The following ADAMTSL1 variants were observed in gnomAD, a reference collection of about 807,000 sequenced individuals.
The protein encoded by ADAMTSL1 is ADAMTS like 1.
Under a neutral mutation model 201.8 loss-of-function variants are expected in ADAMTSL1, and 126 were observed. That is an observed-to-expected ratio of 0.62 (90% CI 0.54 to 0.72). The LOEUF is 0.72. ADAMTSL1 is among the 30% of genes least tolerant of loss of function. The pLI is 0.00. For missense variants in ADAMTSL1, 2,679 were observed against 2,277.8 expected, an observed-to-expected ratio of 1.18 and a Z score of -3.59; for synonymous variants, 1,121 against 903.4, an observed-to-expected ratio of 1.24 and a Z score of -4.32.
chr9:18,443,684 G>A (rs957112251), intron 2 of ADAMTSL1, among the ~76,000 whole-genome samples: 44 of 152,098 alleles, frequency 2.9e-4, no homozygotes, highest in Non-Finnish European at 5.4e-4. Context: ...GCCTAGGTGT[G>A]TACTGTACTG....
chr9:18,727,233 A>G (rs1353709736), intron 15 of ADAMTSL1, among the ~76,000 whole-genome samples: 2 of 152,210 alleles, frequency 1.3e-5, no homozygotes, highest in South Asian at 2.1e-4. Context: ...CTCTCTGACA[A>G]CTTGTTTTAA....
At position 17,913,321 on chromosome 9, in the gene ADAMTSL1, C is replaced by A. The variant is rs1825963499; in HGVS notation, c.87+6399C>A. Among the ~76,000 whole-genome samples, 3 of 152,266 alleles carry A rather than the reference C, an allele frequency of 2.0e-5. No homozygotes were observed. In the East Asian group the frequency reaches 5.8e-4, roughly 29 times the overall value. The stretch of plus-strand genomic sequence containing the variant: ...ATTTTCATGATATTGATTCTTCCTA[C>A]CCATGAGCATGGAATGTTCTTCCAT... On this transcript the variant is annotated intron_variant, in intron 1 of 29. Coordinates refer to the ADAMTSL1 transcript ENST00000680146.
At chr9:18,161,685 A>G (rs1412946841) in intron 1 of ADAMTSL1, among the ~76,000 whole-genome samples, 1 of 152,062 alleles carries the variant, frequency 6.6e-6, no homozygotes, top group Non-Finnish European at 1.5e-5. Context: ...GCACCCAGCA[A>G]GAAGTGGGGA....
chr9:18,423,192 G>C (rs566933272), intron 2 of ADAMTSL1, among the ~76,000 whole-genome samples: 1 of 152,234 alleles, frequency 6.6e-6, no homozygotes, highest in South Asian at 2.1e-4. Context: ...ATGGTTTATT[G>C]CTTCGGAGAA....
intron 2 of ADAMTSL1, among the ~76,000 whole-genome samples, chr9:18,355,145 C>T (rs1325877523): frequency 1.3e-5 from 2 of 152,136 alleles, no homozygotes; most frequent in Non-Finnish European, 2.9e-5. Flanking sequence ...GTCCCTGAAT[C>T]CTGCTGTTTC....
intron 16 of ADAMTSL1, among the ~76,000 whole-genome samples, chr9:18,762,192 G>A (rs1820108546): frequency 6.6e-6 from 1 of 152,108 alleles, no homozygotes. Flanking sequence ...ATAATCCTGT[G>A]TGCATGCAGG....
At chr9:18,578,006 G>C (rs1822849041) in intron 4 of ADAMTSL1, among the ~76,000 whole-genome samples, 1 of 143,712 alleles carries the variant, frequency 7.0e-6, no homozygotes, top group African/African-American at 2.6e-5. Flanking sequence ...TTTTTTTCCA[G>C]AGCACAGAAA....
chr9:18,665,605 TCTCA>T (rs1314129342), intron 9 of ADAMTSL1, among the ~76,000 whole-genome samples: 1 of 152,024 alleles, frequency 6.6e-6, no homozygotes, highest in Non-Finnish European at 1.5e-5. Context: ...CTCAGGAATA[TCTCA>T]CTCTACACAT....
chr9:18,717,947 C>T, intron 14 of ADAMTSL1: 1 of 1,405,214 alleles, frequency 7.1e-7, no homozygotes, highest in Non-Finnish European at 1.0e-6. Flanking sequence ...TCAGAGCTGA[C>T]TCAGAGCTGC....
chr9:18,865,908 A>G (rs1211066179), intron 23 of ADAMTSL1, among the ~76,000 whole-genome samples: 4 of 152,042 alleles, frequency 2.6e-5, no homozygotes, highest in Non-Finnish European at 5.9e-5. Context: ...TGGGGTGGAA[A>G]TGCTCCGCAT....
At chr9:18,475,757 T>A (rs938363229) in intron 1 of ADAMTSL1, among the ~76,000 whole-genome samples, 5 of 152,160 alleles carry the variant, frequency 3.3e-5, no homozygotes, top group African/African-American at 4.8e-5. Flanking sequence ...TTGTGATTTT[T>A]TTAAGTGTGT....
chr9:18,115,347 G>T (rs529772250), intron 1 of ADAMTSL1, among the ~76,000 whole-genome samples: 1 of 152,112 alleles, frequency 6.6e-6, no homozygotes, highest in African/African-American at 2.4e-5. Flanking sequence ...TGGAAGGCAG[G>T]CAGGAAGGCA....
At chr9:18,886,977 G>A (rs1049791260) in intron 23 of ADAMTSL1, among the ~76,000 whole-genome samples, 3 of 151,140 alleles carry the variant, frequency 2.0e-5, no homozygotes, top group Non-Finnish European at 2.9e-5. Flanking sequence ...AGAGCAGTAG[G>A]TACCAAACAG....
At chr9:18,032,046 C>T (rs543738460) in intron 1 of ADAMTSL1, among the ~76,000 whole-genome samples, 6 of 152,318 alleles carry the variant, frequency 3.9e-5, no homozygotes, top group African/African-American at 1.4e-4. Context: ...TCCCTAGGAG[C>T]AGGCCCGCCC....
chr9:18,821,172 G>T (rs1824187118), intron 21 of ADAMTSL1, among the ~76,000 whole-genome samples: 1 of 152,196 alleles, frequency 6.6e-6, no homozygotes, highest in South Asian at 2.1e-4. Context: ...TCAGTGATGG[G>T]TGGTGTATTA....
intron 2 of ADAMTSL1, among the ~76,000 whole-genome samples, chr9:18,246,771 CACAT>C (rs759452260): frequency 7.9e-5 from 12 of 152,236 alleles, no homozygotes; most frequent in Admixed American, 2.6e-4. Context: ...TGCACATATG[CACAT>C]ACATACATAA....
At chr9:18,413,503 G>T (rs369648816) in intron 2 of ADAMTSL1, among the ~76,000 whole-genome samples, 1 of 152,040 alleles carries the variant, frequency 6.6e-6, no homozygotes, top group South Asian at 2.1e-4. Context: ...CTTATCTACC[G>T]ATTCTGTGTC....
chr9:18,049,619 C>CTTTTTTTTTT (rs61679017), intron 1 of ADAMTSL1, among the ~76,000 whole-genome samples: 2 of 143,736 alleles, frequency 1.4e-5, no homozygotes, highest in African/African-American at 2.6e-5. Context: ...ACTTCTTATT[C>CTTTTTTTTTT]TTTTTTTTTT....
chr9:18,661,108 A>G (rs775014135), intron 8 of ADAMTSL1, among the ~76,000 whole-genome samples: 33 of 152,120 alleles, frequency 2.2e-4, no homozygotes, highest in South Asian at 1.0e-3. Flanking sequence ...CTTGATCACC[A>G]CCCTACCAGA....
Sources: allele counts gnomAD v4.1 joint callset (sites outside exome capture counted in the v4.1 genomes callset), GRCh38; gene constraint gnomAD v4.1.1; transcripts MANE v1.5; gene names NCBI Gene and HGNC (gene_info 2026-07-23, HGNC 2026-07-21).